Variants in MDGA2 observed in about 807,000 individuals in gnomAD.
The protein encoded by MDGA2 is MAM domain-containing glycosylphosphatidylinositol anchor protein 2.
A neutral mutation model predicts 117.8 loss-of-function variants in MDGA2; 40 were observed. The observed-to-expected ratio is 0.34, with a 90% confidence interval of 0.26 to 0.44. The LOEUF (loss-of-function observed/expected upper bound fraction) is 0.44, where lower values mean the gene tolerates loss of function less well. Among genes scored for constraint, MDGA2 ranks in the 20% least tolerant of loss-of-function variants. The probability of loss-of-function intolerance (pLI) is 1.00; values close to 1 mark genes in which losing one functional copy is unlikely to be tolerated. For missense variants in MDGA2, 1,123 were observed against 1,250.6 expected (o/e 0.90, Z 1.54); for synonymous variants, 452 against 439.0 (o/e 1.03, Z -0.37).
chr14:47,366,805 C>T (rs1246075684), intron 1 of MDGA2, among the ~76,000 whole-genome samples: 2 of 150,234 alleles, frequency 1.3e-5, no homozygotes, highest in Non-Finnish European at 3.0e-5. Flanking sequence ...CTTCAAGTCA[C>T]GTAACAGTAC....
At chr14:47,361,574 A>T (rs1891126658) in intron 1 of MDGA2, among the ~76,000 whole-genome samples, 2 of 151,968 alleles carry the variant, frequency 1.3e-5, no homozygotes, top group African/African-American at 4.8e-5. Flanking sequence ...TTCACCCCCA[A>T]ATAACTAACT....
intron 1 of MDGA2, among the ~76,000 whole-genome samples, chr14:47,462,927 G>A (rs1893521737): frequency 6.6e-6 from 1 of 152,164 alleles, no homozygotes; most frequent in South Asian, 2.1e-4. Flanking sequence ...AACTTTACTA[G>A]CAAAATTGAG....
intron 1 of MDGA2, among the ~76,000 whole-genome samples, chr14:47,460,088 A>T (rs1033142812): frequency 1.2e-4 from 18 of 152,192 alleles, no homozygotes; most frequent in African/African-American, 4.3e-4. Flanking sequence ...CTAATATTTA[A>T]CGATGAAAGG....
intron 1 of MDGA2, among the ~76,000 whole-genome samples, chr14:47,656,155 C>T (rs909942253): frequency 2.6e-5 from 4 of 152,098 alleles, no homozygotes; most frequent in African/African-American, 9.7e-5. Flanking sequence ...TTTTGTCAGC[C>T]AAGTCATAAG....
intron 10 of MDGA2, among the ~76,000 whole-genome samples, chr14:46,895,983 A>G (rs759010721): frequency 2.6e-5 from 4 of 152,146 alleles, no homozygotes; most frequent in Non-Finnish European, 4.4e-5. Context: ...TCCTGCTAAA[A>G]TTATTTGAGT....
intron 10 of MDGA2, among the ~76,000 whole-genome samples, chr14:46,891,291 G>A (rs114639044): frequency 6.6e-6 from 1 of 151,466 alleles, no homozygotes; most frequent in Non-Finnish European, 1.5e-5. Flanking sequence ...TAGAATTACT[G>A]TTTCTAAATA....
chr14:47,542,197 GC>G (rs1895367068), intron 1 of MDGA2, among the ~76,000 whole-genome samples: 1 of 152,134 alleles, frequency 6.6e-6, no homozygotes, highest in South Asian at 2.1e-4. Context: ...GGATGATGTA[GC>G]CTTAAAGCAT....
intron 1 of MDGA2, among the ~76,000 whole-genome samples, chr14:47,595,564 A>ACC (rs59143027): frequency 2.0e-5 from 3 of 146,622 alleles, no homozygotes; most frequent in Non-Finnish European, 4.5e-5. Context: ...AAACAAAAAA[A>ACC]AAAAAAACCC....
At chr14:47,669,366 G>C (rs1898034344) in intron 1 of MDGA2, among the ~76,000 whole-genome samples, 1 of 152,128 alleles carries the variant, frequency 6.6e-6, no homozygotes, top group Admixed American at 6.6e-5. Flanking sequence ...TTTTATCTCT[G>C]ACTGTTAATT....
At chr14:47,664,657 T>TA (rs1167894715) in intron 1 of MDGA2, among the ~76,000 whole-genome samples, 2 of 152,180 alleles carry the variant, frequency 1.3e-5, no homozygotes. Context: ...TGCACTGTAA[T>TA]AAAAAACAAT....
Position 47,288,809 on chromosome 14 carries a change from C to T in MDGA2, c.420+12602G>A, listed in dbSNP as rs367678128. On this transcript the variant is annotated intron_variant, in intron 2 of 16. Transcript: ENST00000399232. ...TCTTAATAACTGTTTTCTTATTTTTCGGTTCTGGAAATACATTTTATAGGC... is the reference window on the plus strand; with the variant it reads ...TCTTAATAACTGTTTTCTTATTTTTTGGTTCTGGAAATACATTTTATAGGC... Among the ~76,000 whole-genome samples, 15 of 149,896 alleles carry T rather than the reference C, an allele frequency of 1.0e-4. No homozygotes were observed. In the East Asian group the frequency reaches 1.4e-3, roughly 14 times the overall value.
At chr14:47,263,755 T>A (rs533491906) in intron 2 of MDGA2, among the ~76,000 whole-genome samples, 1 of 152,198 alleles carries the variant, frequency 6.6e-6, no homozygotes, top group Non-Finnish European at 1.5e-5. Flanking sequence ...TATTCACTTA[T>A]AAGTCAACAT....
chr14:47,648,463 A>G (rs890389282), intron 1 of MDGA2, among the ~76,000 whole-genome samples: 4 of 152,152 alleles, frequency 2.6e-5, no homozygotes, highest in Admixed American at 6.5e-5. Flanking sequence ...GTTTCCCTCA[A>G]TGACTAGAAA....
intron 2 of MDGA2, among the ~76,000 whole-genome samples, chr14:47,223,138 G>C (rs1265244563): frequency 6.6e-6 from 1 of 152,098 alleles, no homozygotes; most frequent in Non-Finnish European, 1.5e-5. Context: ...ACTACCACAA[G>C]AATAACATGG....
At chr14:47,113,375 C>G (rs528019301) in intron 5 of MDGA2, among the ~76,000 whole-genome samples, 1 of 151,890 alleles carries the variant, frequency 6.6e-6, no homozygotes, top group Non-Finnish European at 1.5e-5. Flanking sequence ...CTATTCCAAA[C>G]GATCAAAAAG....
At chr14:47,235,751 C>T (rs1381408533) in intron 2 of MDGA2, among the ~76,000 whole-genome samples, 2 of 152,124 alleles carry the variant, frequency 1.3e-5, no homozygotes, top group African/African-American at 2.4e-5. Context: ...CTTCCATTGC[C>T]ATTCCCTGAT....
chr14:47,437,683 G>A (rs1892925710), intron 1 of MDGA2, among the ~76,000 whole-genome samples: 1 of 152,082 alleles, frequency 6.6e-6, no homozygotes, highest in Non-Finnish European at 1.5e-5. Flanking sequence ...CAGGGAACTG[G>A]GGCCATCTCC....
chr14:46,956,661 G>C (rs1343256040), intron 9 of MDGA2, among the ~76,000 whole-genome samples: 1 of 149,168 alleles, frequency 6.7e-6, no homozygotes, highest in Admixed American at 6.8e-5. Flanking sequence ...AAAAAAAAAT[G>C]TTTGCAACTT....
chr14:47,599,402 T>C (rs1024113134), intron 1 of MDGA2, among the ~76,000 whole-genome samples: 6 of 151,980 alleles, frequency 3.9e-5, no homozygotes, highest in Non-Finnish European at 8.8e-5. Context: ...AAAGGCAATA[T>C]ATGGAACTCA....
Sources: gnomAD v4.1 joint callset for allele counts (sites outside exome capture counted in the v4.1 genomes callset) on GRCh38, gnomAD v4.1.1 for gene constraint, MANE v1.5 for transcripts, NCBI Gene and HGNC (gene_info 2026-07-23, HGNC 2026-07-21) for gene names.